The following WDPCP variants were observed in gnomAD, a reference collection of about 807,000 sequenced individuals.
WDPCP encodes the protein WD repeat-containing and planar cell polarity effector protein fritz homolog.
WDPCP carries 71 observed loss-of-function variants against 93.1 expected under a neutral mutation model. That is an observed-to-expected ratio of 0.76 (90% confidence interval 0.63 to 0.93). The LOEUF (loss-of-function observed/expected upper bound fraction) is 0.93. Ranked by LOEUF, WDPCP falls within the 40% of genes least tolerant of loss-of-function variation. The pLI, the probability that WDPCP is intolerant of heterozygous loss-of-function variation, is 0.00. For synonymous variants in WDPCP, 315 were observed against 315.0 expected (o/e 1.00, Z 0.00); for missense variants, 844 against 887.4 (o/e 0.95, Z 0.62).
At chr2:63,654,775 C>T (rs937968162) in intron 2 of WDPCP, among the ~76,000 whole-genome samples, 1 of 152,086 alleles carries the variant, frequency 6.6e-6, no homozygotes, top group South Asian at 2.1e-4. Flanking sequence ...ATACCTAGTA[C>T]AAGGTAAATG....
chr2:63,161,243 A>G (rs1004693342), intron 15 of WDPCP, among the ~76,000 whole-genome samples: 12 of 152,046 alleles, frequency 7.9e-5, no homozygotes, highest in Admixed American at 6.5e-4. Context: ...GTTGTGCAGG[A>G]AACACCAAAG....
chr2:63,801,141 G>A (rs1339536259), intron 2 of WDPCP, among the ~76,000 whole-genome samples: 1 of 152,194 alleles, frequency 6.6e-6, no homozygotes, highest in East Asian at 1.9e-4. Flanking sequence ...TCTTAGCTGG[G>A]TGGCTGGTTC....
intron 12 of WDPCP, among the ~76,000 whole-genome samples, chr2:63,345,545 ATC>A (rs920612801): frequency 6.6e-6 from 1 of 152,196 alleles, no homozygotes; most frequent in South Asian, 2.1e-4. Context: ...GTGACAGAGA[ATC>A]TCTCTGGTAG....
At chr2:63,206,538 G>A (rs1215331207) in intron 14 of WDPCP, among the ~76,000 whole-genome samples, 2 of 151,782 alleles carry the variant, frequency 1.3e-5, no homozygotes, top group East Asian at 1.9e-4. Flanking sequence ...CTGCAGCCTT[G>A]ACCTCCTGGA....
chr2:63,674,401 AG>A (rs1433545418), intron 2 of WDPCP, among the ~76,000 whole-genome samples: 5 of 152,212 alleles, frequency 3.3e-5, no homozygotes, highest in Admixed American at 1.3e-4. Context: ...AAAGCTACAG[AG>A]GGGTAAAGCT....
At chr2:63,234,956 C>G (rs1245825492) in intron 14 of WDPCP, among the ~76,000 whole-genome samples, 2 of 152,108 alleles carry the variant, frequency 1.3e-5, no homozygotes, top group Non-Finnish European at 2.9e-5. Context: ...TCATTAAGCT[C>G]TTCTTCAAAA....
intron 15 of WDPCP, among the ~76,000 whole-genome samples, chr2:63,159,771 T>A (rs1672524558): frequency 6.6e-6 from 1 of 152,210 alleles, no homozygotes; most frequent in Non-Finnish European, 1.5e-5. Context: ...AGCAAATATA[T>A]AACCTGGGTG....
intron 1 of WDPCP, among the ~76,000 whole-genome samples, chr2:63,549,210 A>G (rs1705382521): frequency 6.9e-6 from 1 of 145,058 alleles, no homozygotes; most frequent in Non-Finnish European, 1.5e-5. Context: ...GGATCCTGCC[A>G]TTATACTTCA....
At chr2:63,647,378 C>T (rs1445113886) in intron 3 of WDPCP, among the ~76,000 whole-genome samples, 1 of 152,160 alleles carries the variant, frequency 6.6e-6, no homozygotes, top group African/African-American at 2.4e-5. Context: ...TCATGATCCA[C>T]CTGCCTCGGC....
upstream of WDPCP, chr2:63,588,906 C>T: frequency 1.7e-6 from 2 of 1,193,102 alleles, no homozygotes; most frequent in South Asian, 1.2e-5. Context: ...CTACAGTTCC[C>T]AGAGAGCGCC....
intron 2 of WDPCP, among the ~76,000 whole-genome samples, chr2:63,802,173 T>C (rs1455875153): frequency 6.6e-6 from 1 of 151,578 alleles, no homozygotes; most frequent in Admixed American, 6.6e-5. Flanking sequence ...AGGCTGGGTA[T>C]GGTGGCTCAC....
intron 13 of WDPCP, among the ~76,000 whole-genome samples, chr2:63,261,615 G>C (rs73934640): frequency 2.0e-5 from 3 of 152,292 alleles, no homozygotes; most frequent in African/African-American, 7.2e-5. Flanking sequence ...ATTAAGTGAA[G>C]TGTTACCTCC....
intron 6 of WDPCP, chr2:63,442,581 CAGGTTGG>C (rs1255090098): frequency 6.6e-6 from 1 of 152,110 alleles, no homozygotes; most frequent in Non-Finnish European, 1.5e-5. Context: ...CCTTGTAACC[CAGGTTGG>C]ACTCAATGTT....
In WDPCP at chr2:63,120,547, A is replaced by AACG. The variant is rs1669492155; in HGVS notation, c.*1456_*1458dup. 7.2e-6 allele frequency among the ~76,000 whole-genome samples: 1 copy of AACG among 138,054 alleles called. No homozygotes were observed. The highest frequency in any genetic ancestry group is 1.5e-5 in the Non-Finnish European group (1 of 64,706). The allele number at this position is 138,054 out of a possible 152,430, so 90.6% of individuals were successfully genotyped here. A position where few individuals can be genotyped will look rare whatever the true frequency, so the allele number is the denominator to read the frequency against. On this transcript the variant is annotated 3_prime_UTR_variant, in exon 18 of 18. Transcript: ENST00000272321. ...TAATTTTTTTTTTTTTTTTTTTTGC[A>AACG]ACGGAGTCTTACTTTGTCACCCAGG...
chr2:63,315,626 A>T lies in WDPCP; in HGVS notation c.1749-2315T>A, dbSNP rs553784227. Among the ~76,000 whole-genome samples, 5 of 152,298 alleles carry T rather than the reference A, an allele frequency of 3.3e-5. No homozygotes were observed. In the East Asian group the frequency reaches 9.6e-4, roughly 29 times the overall value. On this transcript the variant is annotated intron_variant, in intron 12 of 17. Transcript: ENST00000272321. The stretch of plus-strand genomic sequence containing the variant: ...AGGCATATAAAATAATTCAATATAA[A>T]ATATTTAAAGAAATGAGGGAGTCAT...
At chr2:63,743,267 C>T (rs1037011397) in intron 2 of WDPCP, among the ~76,000 whole-genome samples, 1 of 152,074 alleles carries the variant, frequency 6.6e-6, no homozygotes, top group Non-Finnish European at 1.5e-5. Context: ...GGCTTCCCTA[C>T]CTAATCATTC....
At chr2:63,197,722 AAT>A (rs939184813) in intron 14 of WDPCP, among the ~76,000 whole-genome samples, 7 of 152,290 alleles carry the variant, frequency 4.6e-5, no homozygotes, top group African/African-American at 1.7e-4. Flanking sequence ...GAGAACATGC[AAT>A]ATTTGTCTTT....
rs551875664 is a variant in WDPCP at position 63,501,041 on chromosome 2, T to G, written c.76-8101A>C. On this transcript the variant is annotated intron_variant, in intron 1 of 17. Coordinates refer to ENST00000272321, the MANE Select transcript of WDPCP (RefSeq NM_015910.7). ...AGAAGCCTAGGACACTTTTTCAACC[T>G]AAATATTAAATGTAAGTATTCAGGA... Among the ~76,000 whole-genome samples, 4 of 152,330 alleles carry G rather than the reference T, an allele frequency of 2.6e-5. No individual in the cohort carries two copies. The East Asian group carries it at 7.7e-4, about 29-fold the overall frequency.
chr2:63,652,929 G>A lies in WDPCP; in HGVS notation n.309-2091C>T, dbSNP rs192629457. Among the ~76,000 whole-genome samples the A allele has an allele frequency of 7.2e-5, 11 of 152,144 alleles. No individual in the cohort carries two copies. The East Asian group carries it at 1.9e-3, about 27-fold the overall frequency. On this transcript the variant is annotated intron_variant and non_coding_transcript_variant, in intron 2 of 4. Transcript: ENST00000467687. ...AAGTCTGCACTCTTCCCCAACTACCGGTAAAAAACCTAGATAACGAGACAA... is the reference window on the plus strand; with the variant it reads ...AAGTCTGCACTCTTCCCCAACTACCAGTAAAAAACCTAGATAACGAGACAA...
Sources: allele counts gnomAD v4.1 joint callset (sites outside exome capture counted in the v4.1 genomes callset), GRCh38; gene constraint gnomAD v4.1.1; transcripts MANE v1.5; gene names NCBI Gene and HGNC (gene_info 2026-07-23, HGNC 2026-07-21).